ZNF568: variants seen among roughly 807,000 people sequenced by gnomAD.
The protein encoded by ZNF568 is p53 inhibitor of SCO2 activation.
Under a neutral mutation model 18.1 loss-of-function variants are expected in ZNF568, and 11 were observed. That is an observed-to-expected ratio of 0.61 (90% CI 0.38 to 1.00). The LOEUF is 1.00. Among genes scored for constraint, ZNF568 ranks in the 50% least tolerant of loss-of-function variants. The probability of loss-of-function intolerance (pLI) is 0.01; values close to 1 mark genes in which losing one functional copy is unlikely to be tolerated. For synonymous variants in ZNF568, 213 were observed against 246.6 expected (o/e 0.86, Z 1.28); for missense variants, 639 against 768.2 (o/e 0.83, Z 1.99).
intron 6 of ZNF568, among the ~76,000 whole-genome samples, chr19:36,937,547 C>T (rs1020548711): frequency 1.4e-4 from 22 of 152,172 alleles, no homozygotes; most frequent in Admixed American, 6.5e-5. Context: ...GATCCTCGGG[C>T]ACTCTCTTTC....
intron 6 of ZNF568, among the ~76,000 whole-genome samples, chr19:36,972,496 GGTC>G (rs1418290811): frequency 6.6e-6 from 1 of 150,636 alleles, no homozygotes; most frequent in Non-Finnish European, 1.5e-5. Context: ...CTCTAGGACA[GGTC>G]GTTTCCCAGA....
At chr19:36,922,168 T>A (rs760511516) in intron 2 of ZNF568, among the ~76,000 whole-genome samples, 1 of 152,204 alleles carries the variant, frequency 6.6e-6, no homozygotes, top group Non-Finnish European at 1.5e-5. Context: ...GGGTATCTCA[T>A]GAAGTTGCAG....
chr19:36,976,639 G>A (rs1047228000), intron 7 of ZNF568, among the ~76,000 whole-genome samples: 7 of 152,108 alleles, frequency 4.6e-5, no homozygotes, highest in East Asian at 3.9e-4. Flanking sequence ...GGCCGGGTGC[G>A]GTGGCTCATG....
chr19:36,979,375 G>A (rs1345255925), exon 8 of ZNF568: 1 of 152,296 alleles, frequency 6.6e-6, no homozygotes, highest in African/African-American at 2.4e-5. Context: ...ATGTTAAGAG[G>A]TAGAATGCTA....
At position 36,950,588 on chromosome 19, in the gene ZNF568, T is replaced by C; in HGVS notation, c.1435T>C (p.Cys479Arg). The C allele has an allele frequency of 6.2e-7, 1 of 1,613,896 alleles. No homozygotes were observed. The highest frequency in any genetic ancestry group is 8.5e-7 in the Non-Finnish European group (1 of 1,179,838). ...AGAGAAACCTTATGAATGCAGTGAA[T>C]GTGGGAAAGCTTTTATTCAGATGTC... ...TGEKPYECSE[C>R]GKAFIQMSNL... Residue 479 changes from cysteine (C) to arginine (R), a missense_variant, in exon 7 of 7, where the codon TGT becomes CGT. Coordinates refer to ENST00000333987, the MANE Select transcript of ZNF568 (RefSeq NM_198539.4).
chr19:36,925,333 T>G, intron 4 of ZNF568, 75 bp downstream of exon 4: 1 of 1,268,238 alleles, frequency 7.9e-7, no homozygotes, highest in Non-Finnish European at 1.1e-6. Flanking sequence ...AACCTACCAA[T>G]GTGTTGGAAA....
At chr19:36,996,513 A>G in exon 5 of ZNF568, 1 of 1,536,332 alleles carries the variant, frequency 6.5e-7, no homozygotes, top group Non-Finnish European at 8.7e-7. Flanking sequence ...CCCATAGAGA[A>G]TATCAGTGGC....
chr19:36,968,609 G>A (rs1012631665), intron 6 of ZNF568, among the ~76,000 whole-genome samples: 1 of 150,634 alleles, frequency 6.6e-6, no homozygotes, highest in Admixed American at 6.6e-5. Context: ...GATTCATATG[G>A]TCTGAAGTTA....
intron 2 of ZNF568, among the ~76,000 whole-genome samples, chr19:36,920,966 C>CAGT (rs144434294): frequency 0.15 from 22,063 of 152,046 alleles, 1,942 homozygotes; most frequent in African/African-American, 0.24. Flanking sequence ...GTATTCAGTA[C>CAGT]AGTAACATGC....
intron 6 of ZNF568, among the ~76,000 whole-genome samples, chr19:36,965,691 G>A (rs1019223174): frequency 1.4e-5 from 2 of 148,038 alleles, no homozygotes; most frequent in Non-Finnish European, 3.0e-5. Context: ...CCAGTTTTGT[G>A]TGTGATCAAG....
downstream of ZNF568, among the ~76,000 whole-genome samples, chr19:36,980,574 C>T (rs1484072465): frequency 6.6e-6 from 1 of 152,106 alleles, no homozygotes; most frequent in African/African-American, 2.4e-5. Flanking sequence ...CACCACCACC[C>T]TTAGGTATAA....
At chr19:36,949,485 G>A in intron 6 of ZNF568, 27 bp from the exon 7 acceptor site, 2 of 1,534,236 alleles carry the variant, frequency 1.3e-6, no homozygotes, top group Non-Finnish European at 1.7e-6. Context: ...TAATTCACAA[G>A]TAATAATTTC....
intron 6 of ZNF568, among the ~76,000 whole-genome samples, chr19:36,969,289 T>C (rs1418400551): frequency 2.0e-5 from 3 of 152,170 alleles, no homozygotes; most frequent in East Asian, 3.9e-4. Flanking sequence ...AAGACCCCAC[T>C]GGAACAGAAC....
chr19:36,996,479 C>A, exon 5 of ZNF568: 1 of 1,536,354 alleles, frequency 6.5e-7, no homozygotes. Flanking sequence ...GCTGTAATAC[C>A]ATTTACTTCC....
intron 4 of ZNF568, among the ~76,000 whole-genome samples, chr19:36,930,370 C>T (rs760416686): frequency 1.3e-5 from 2 of 151,944 alleles, no homozygotes; most frequent in African/African-American, 4.8e-5. Flanking sequence ...CCACCACACC[C>T]GGCTAATTTT....
At chr19:36,955,728 C>T (rs1600827459), downstream of ZNF568, among the ~76,000 whole-genome samples, 1 of 152,200 alleles carries the variant, frequency 6.6e-6, no homozygotes, top group South Asian at 2.1e-4. Flanking sequence ...ATAAAACATA[C>T]TAATAGTGGC....
intron 7 of ZNF568, among the ~76,000 whole-genome samples, chr19:36,978,329 C>T (rs1667344): frequency 0.55 from 83,045 of 151,938 alleles, 23,369 homozygotes; most frequent in African/African-American, 0.66. Context: ...ACATTTCCTG[C>T]CCTGATTCCT....
intron 2 of ZNF568, among the ~76,000 whole-genome samples, chr19:36,987,869 G>A (rs1353669791): frequency 8.6e-6 from 1 of 116,290 alleles, no homozygotes; most frequent in Non-Finnish European, 1.9e-5. Flanking sequence ...CCAAAAGCAG[G>A]GATGGGGTGA....
chr19:36,921,625 A>G (rs962069578), intron 2 of ZNF568, among the ~76,000 whole-genome samples: 1 of 152,030 alleles, frequency 6.6e-6, no homozygotes, highest in Admixed American at 6.6e-5. Flanking sequence ...CTATTTTGTT[A>G]CATATATTTT....
Sources: allele counts gnomAD v4.1 joint callset (sites outside exome capture counted in the v4.1 genomes callset), GRCh38; gene constraint gnomAD v4.1.1; transcripts MANE v1.5; gene names NCBI Gene and HGNC (gene_info 2026-07-23, HGNC 2026-07-21).